NSUN6: variants seen among roughly 807,000 people sequenced by gnomAD.
The protein encoded by NSUN6 is NOP2/Sun RNA methyltransferase 6.
In NSUN6, 64 loss-of-function variants were observed where a neutral mutation model predicts 58.0. That is an observed-to-expected ratio of 1.10 (90% CI 0.90 to 1.36). NSUN6 has a LOEUF of 1.36. Among genes scored for constraint, NSUN6 ranks in the 40% most tolerant of loss-of-function variants. The probability of loss-of-function intolerance (pLI) is 0.00; values close to 1 mark genes in which losing one functional copy is unlikely to be tolerated. For missense variants in NSUN6, 701 were observed against 550.1 expected (o/e 1.27, Z -2.74); for synonymous variants, 231 against 193.9 (o/e 1.19, Z -1.59).
chr10:18,609,822 A>G (rs775018441), intron 6 of NSUN6, 23 bp downstream of exon 6: 5 of 1,239,594 alleles, frequency 4.0e-6, no homozygotes, highest in Middle Eastern at 2.2e-4. Flanking sequence ...GTCACTAAAT[A>G]TTTTACTTTT....
At chr10:18,553,317 T>C (rs1362148930) in intron 8 of NSUN6, among the ~76,000 whole-genome samples, 1 of 151,148 alleles carries the variant, frequency 6.6e-6, no homozygotes, top group African/African-American at 2.4e-5. Flanking sequence ...TGGAATGGAA[T>C]GGGGAATGGT....
chr10:18,639,789 C>T (rs1238903236), intron 3 of NSUN6, among the ~76,000 whole-genome samples: 5 of 152,100 alleles, frequency 3.3e-5, no homozygotes, highest in African/African-American at 4.8e-5. Context: ...CCTAAAATAG[C>T]CAGTATTGGC....
chr10:18,557,243 T>C (rs975585038), intron 8 of NSUN6, among the ~76,000 whole-genome samples: 3 of 150,782 alleles, frequency 2.0e-5, no homozygotes, highest in African/African-American at 2.4e-5. Context: ...GAGAATGGAA[T>C]TGAATGCAGA....
intron 3 of NSUN6, among the ~76,000 whole-genome samples, chr10:18,625,054 A>G (rs2131420232): frequency 6.6e-6 from 1 of 152,300 alleles, no homozygotes; most frequent in East Asian, 1.9e-4. Flanking sequence ...TTTACATGTC[A>G]CAATTAGGTG....
chr10:18,567,480 C>CTCCAT (rs2130935125), intron 8 of NSUN6, among the ~76,000 whole-genome samples: 1 of 150,102 alleles, frequency 6.7e-6, no homozygotes, highest in East Asian at 2.0e-4. Flanking sequence ...CCATACCATC[C>CTCCAT]TCCATTCCAT....
chr10:18,613,482 G>A (rs746843569), intron 5 of NSUN6, among the ~76,000 whole-genome samples: 15 of 152,112 alleles, frequency 9.9e-5, no homozygotes, highest in Non-Finnish European at 1.8e-4. Context: ...TATTCAGCAC[G>A]ATAACTGGAA....
At chr10:18,609,419 A>G (rs755502791) in intron 6 of NSUN6, among the ~76,000 whole-genome samples, 10 of 152,096 alleles carry the variant, frequency 6.6e-5, no homozygotes, top group Admixed American at 1.3e-4. Context: ...GGAGTGTGAC[A>G]TAGGCCAAGA....
upstream of NSUN6, among the ~76,000 whole-genome samples, chr10:18,654,191 G>A (rs1460209822): frequency 2.6e-5 from 4 of 152,114 alleles, no homozygotes; most frequent in Non-Finnish European, 5.9e-5. Flanking sequence ...CGCTTCCTGG[G>A]TTCAAGCGAT....
At chr10:18,648,364 T>C (rs926373919) in intron 2 of NSUN6, 126 bp downstream of exon 2, 10 of 578,334 alleles carry the variant, frequency 1.7e-5, no homozygotes, top group South Asian at 5.5e-5. Context: ...AATTTACCAT[T>C]CATGGTCCTC....
At chr10:18,591,006 G>A (rs1028347775) in intron 7 of NSUN6, among the ~76,000 whole-genome samples, 5 of 151,972 alleles carry the variant, frequency 3.3e-5, no homozygotes, top group African/African-American at 7.2e-5. Context: ...TAACACAGAA[G>A]AAAACAAAGA....
intron 3 of NSUN6, among the ~76,000 whole-genome samples, chr10:18,630,876 AG>A (rs1809428135): frequency 6.6e-6 from 1 of 152,112 alleles, no homozygotes; most frequent in Non-Finnish European, 1.5e-5. Flanking sequence ...CAATAGAAAA[AG>A]AGGGAATCCT....
intron 8 of NSUN6, among the ~76,000 whole-genome samples, chr10:18,565,766 C>T (rs62648433): frequency 0.34 from 51,455 of 150,090 alleles, 9,055 homozygotes; most frequent in East Asian, 0.72. Flanking sequence ...TCATTCCATT[C>T]CATCCTCCCT....
intron 7 of NSUN6, among the ~76,000 whole-genome samples, chr10:18,587,083 A>C (rs2057182484): frequency 6.6e-6 from 1 of 152,194 alleles, no homozygotes; most frequent in African/African-American, 2.4e-5. Flanking sequence ...TGCCAGAAAA[A>C]TAATCTTATA....
intron 8 of NSUN6, among the ~76,000 whole-genome samples, chr10:18,566,923 C>A (rs868245213): frequency 3.3e-5 from 5 of 149,536 alleles, no homozygotes; most frequent in Admixed American, 2.0e-4. Context: ...CTCCATTCCA[C>A]TCCATTCTCC....
intron 7 of NSUN6, among the ~76,000 whole-genome samples, chr10:18,595,644 T>C (rs1283375899): frequency 1.3e-5 from 2 of 152,226 alleles, no homozygotes; most frequent in Admixed American, 6.5e-5. Context: ...TCCTCTCTAA[T>C]GAGTATTACA....
At position 18,545,926 on chromosome 10, in the gene NSUN6, C is replaced by T. The variant is rs752870132; in HGVS notation, c.*7G>A. The T allele has an allele frequency of 1.4e-6, 2 of 1,436,512 alleles. No individual in the cohort carries two copies. Among genetic ancestry groups the T allele is most frequent in the Non-Finnish European group, 1.9e-6 (2 of 1,033,300 alleles). The allele number at this position is 1,436,512 out of a possible 1,614,324, so 89.0% of individuals were successfully genotyped here. ...GGAATTTTCATTTCTGAGCATCCATCCCTCTCCTATGTGCTTTTGCATTTT... is the reference window on the plus strand; with the variant it reads ...GGAATTTTCATTTCTGAGCATCCATTCCTCTCCTATGTGCTTTTGCATTTT... On this transcript the variant is annotated 3_prime_UTR_variant, in exon 11 of 11. Coordinates refer to ENST00000377304, the MANE Select transcript of NSUN6 (RefSeq NM_182543.5).
upstream of NSUN6, chr10:18,651,726 C>T: frequency 3.0e-6 from 3 of 985,640 alleles, no homozygotes; most frequent in Non-Finnish European, 3.6e-6. Flanking sequence ...CGTTACGCTA[C>T]GCCACGCCCC....
At chr10:18,604,877 C>T (rs2057988613) in intron 6 of NSUN6, among the ~76,000 whole-genome samples, 1 of 149,878 alleles carries the variant, frequency 6.7e-6, no homozygotes, top group Non-Finnish European at 1.5e-5. Flanking sequence ...CAGAGCAAGA[C>T]TCTTTCTTTT....
chr10:18,548,112 C>T lies in NSUN6; in HGVS notation c.1197G>A (p.Gln399=), dbSNP rs759392793. 9.3e-6 allele frequency: 15 copies of T among 1,613,446 alleles called. No homozygotes were observed. The highest frequency in any genetic ancestry group is 1.3e-5 in the Non-Finnish European group (15 of 1,179,742). The change falls in exon 10 of 11, where the codon CAG becomes CAA. Residue 399 remains glutamine (Q), a splice_region_variant and synonymous_variant. Transcript: ENST00000377304. The stretch of plus-strand genomic sequence containing the variant: ...CAGAGAAAAATGAAATTACTCCTAC[C>T]TGGGGCTGAAGCTGAAGGCAAGGAA... ...TKFPCLQLQP[Q]EPQIGGEGMR... is the part of the protein sequence containing the mutation.
Sources: allele counts gnomAD v4.1 joint callset (sites outside exome capture counted in the v4.1 genomes callset), GRCh38; gene constraint gnomAD v4.1.1; transcripts MANE v1.5; gene names NCBI Gene and HGNC (gene_info 2026-07-23, HGNC 2026-07-21).